The following TUSC3 variants were observed in gnomAD, a reference collection of about 807,000 sequenced individuals.
TUSC3 encodes dolichyl-diphosphooligosaccharide--protein glycosyltransferase subunit TUSC3.
TUSC3 carries 45 observed loss-of-function variants against 44.8 expected under a neutral mutation model. The observed-to-expected ratio is 1.00, with a 90% CI of 0.79 to 1.29. The LOEUF is 1.29. Among genes scored for constraint, TUSC3 ranks in the 50% most tolerant of loss-of-function variants. The pLI is 0.00. For missense variants in TUSC3, 519 were observed against 437.9 expected, an observed-to-expected ratio of 1.19 and a Z score of -1.65; for synonymous variants, 212 against 152.9, an observed-to-expected ratio of 1.39 and a Z score of -2.85.
chr8:15,774,107 A>C, the TUSC3 span, among the ~76,000 whole-genome samples: 1 of 152,106 alleles, frequency 6.6e-6, no homozygotes, highest in South Asian at 2.1e-4. Flanking sequence ...ACCCATGGTA[A>C]TAGAGAGAAT....
Position 15,484,842 on chromosome 8 carries a change from A to G in TUSC3, n.189+1359A>G, listed in dbSNP as rs1198419585. ...AAATTCTTACTATCATTTAAAATATATAGAGAAATGGAAAACTTCATAAGA... is the reference window on the plus strand; with the variant it reads ...AAATTCTTACTATCATTTAAAATATGTAGAGAAATGGAAAACTTCATAAGA... On this transcript the variant is annotated intron_variant and non_coding_transcript_variant, in intron 2 of 5. Coordinates refer to the TUSC3 transcript ENST00000503191. Among the ~76,000 whole-genome samples the G allele has an allele frequency of 2.6e-5, 4 of 152,256 alleles. No individual in the cohort carries two copies. The East Asian group carries it at 7.7e-4, about 29-fold the overall frequency.
At chr8:15,540,987 G>A (rs1477505689) in intron 1 of TUSC3, among the ~76,000 whole-genome samples, 1 of 152,218 alleles carries the variant, frequency 6.6e-6, no homozygotes, top group Non-Finnish European at 1.5e-5. Flanking sequence ...AGAAGCAACA[G>A]AACCTGTGCA....
At chr8:15,789,740 T>C in the TUSC3 span, among the ~76,000 whole-genome samples, 1 of 152,116 alleles carries the variant, frequency 6.6e-6, no homozygotes, top group African/African-American at 2.4e-5. Flanking sequence ...TGAAATGCAT[T>C]GGGGCTGCAA....
chr8:15,668,547 G>A (rs1439029228), intron 5 of TUSC3, among the ~76,000 whole-genome samples: 1 of 151,704 alleles, frequency 6.6e-6, no homozygotes, highest in African/African-American at 2.4e-5. Context: ...TGTGTAGTGA[G>A]GAAGGTAAAT....
At chr8:15,674,002 A>C (rs970073421) in intron 6 of TUSC3, among the ~76,000 whole-genome samples, 166 bp downstream of exon 6, 18 of 96,340 alleles carry the variant, frequency 1.9e-4, no homozygotes, top group Non-Finnish European at 4.2e-4. Context: ...GTGCATACAC[A>C]CACACACACA....
chr8:15,460,403 T>C (rs1344421525), intron 1 of TUSC3, among the ~76,000 whole-genome samples: 1 of 152,166 alleles, frequency 6.6e-6, no homozygotes, highest in Non-Finnish European at 1.5e-5. Context: ...TTTTTATCGC[T>C]GATTTAAGTT....
At chr8:15,497,144 G>C (rs575547853) in intron 2 of TUSC3, among the ~76,000 whole-genome samples, 1 of 152,148 alleles carries the variant, frequency 6.6e-6, no homozygotes, top group Non-Finnish European at 1.5e-5. Context: ...GGTGGTTGTC[G>C]TTTCAAATTA....
At chr8:15,722,547 T>G (rs138881974) in intron 6 of TUSC3, among the ~76,000 whole-genome samples, 94 of 152,192 alleles carry the variant, frequency 6.2e-4, no homozygotes, top group African/African-American at 2.2e-3. Flanking sequence ...TTCTAGAGAC[T>G]CTCTGAGAAT....
At chr8:15,617,120 A>ATTGTGTGTGTGTGTGTG (rs1554460215) in intron 1 of TUSC3, among the ~76,000 whole-genome samples, 6 of 123,720 alleles carry the variant, frequency 4.8e-5, no homozygotes, top group Non-Finnish European at 9.7e-5. Context: ...TATCTGTAAA[A>ATTGTGTGTGTGTGTGTG]TGTGTGTGTG....
At chr8:15,828,452 T>C in the TUSC3 span, among the ~76,000 whole-genome samples, 20 of 152,212 alleles carry the variant, frequency 1.3e-4, no homozygotes, top group African/African-American at 4.8e-4. Flanking sequence ...GATGCCAGCT[T>C]GGTCTTTTTT....
intron 1 of TUSC3, among the ~76,000 whole-genome samples, chr8:15,615,159 C>G (rs897406059): frequency 2.0e-5 from 3 of 152,170 alleles, no homozygotes; most frequent in Admixed American, 1.3e-4. Context: ...TACCTGTCCT[C>G]TCATGTTTAT....
At chr8:15,786,280 A>G in the TUSC3 span, among the ~76,000 whole-genome samples, 1 of 152,214 alleles carries the variant, frequency 6.6e-6, no homozygotes, top group African/African-American at 2.4e-5. Flanking sequence ...CACTATCTCA[A>G]TGAAGTAGTA....
chr8:15,594,879 G>C (rs534261175), intron 1 of TUSC3, among the ~76,000 whole-genome samples: 8 of 152,266 alleles, frequency 5.3e-5, no homozygotes, highest in Admixed American at 3.3e-4. Flanking sequence ...ATTGCTGGTT[G>C]CCCACGGCTC....
At chr8:15,802,158 G>C in the TUSC3 span, among the ~76,000 whole-genome samples, 8 of 152,266 alleles carry the variant, frequency 5.3e-5, no homozygotes, top group African/African-American at 9.6e-5. Context: ...CTTTGGTTTT[G>C]GAAGATGATT....
intron 6 of TUSC3, among the ~76,000 whole-genome samples, chr8:15,710,395 T>C (rs1728483212): frequency 6.6e-6 from 1 of 151,858 alleles, no homozygotes; most frequent in African/African-American, 2.4e-5. Flanking sequence ...CCTCGTGCTA[T>C]TTAAGCCTAG....
chr8:15,634,938 G>C (rs1183664844), intron 2 of TUSC3, among the ~76,000 whole-genome samples: 2 of 152,198 alleles, frequency 1.3e-5, no homozygotes, highest in African/African-American at 4.8e-5. Context: ...GGCCACTGCA[G>C]GAGGGCTTAG....
intron 2 of TUSC3, among the ~76,000 whole-genome samples, chr8:15,495,760 C>A (rs935437177): frequency 6.6e-6 from 1 of 152,082 alleles, no homozygotes. Context: ...CAAAAACTGG[C>A]AAAGGTATAG....
chr8:15,647,231 G>A (rs1179314225), intron 2 of TUSC3, among the ~76,000 whole-genome samples: 1 of 152,106 alleles, frequency 6.6e-6, no homozygotes, highest in African/African-American at 2.4e-5. Context: ...CAATGGCAAA[G>A]TAGTAGGTTA....
At chr8:15,781,514 A>G in the TUSC3 span, among the ~76,000 whole-genome samples, 1 of 152,216 alleles carries the variant, frequency 6.6e-6, no homozygotes, top group Non-Finnish European at 1.5e-5. Context: ...AAGACAGTCA[A>G]TAAGACCATC....
Sources: gnomAD v4.1 joint callset for allele counts (sites outside exome capture counted in the v4.1 genomes callset) on GRCh38, gnomAD v4.1.1 for gene constraint, MANE v1.5 for transcripts, NCBI Gene and HGNC (gene_info 2026-07-23, HGNC 2026-07-21) for gene names.